NUCB2: variants seen among roughly 807,000 people sequenced by gnomAD.
NUCB2 encodes nucleobindin 2.
Under a neutral mutation model 57.9 loss-of-function variants are expected in NUCB2, and 48 were observed. The ratio of observed to expected loss-of-function variants is 0.83; its 90% CI spans 0.66 to 1.05. The LOEUF (loss-of-function observed/expected upper bound fraction) is 1.05. Among genes scored for constraint, NUCB2 ranks in the 50% least tolerant of loss-of-function variants. NUCB2 has a pLI of 0.00. For missense variants in NUCB2, 442 were observed against 476.2 expected, an observed-to-expected ratio of 0.93 and a Z score of 0.67; for synonymous variants, 139 against 152.1, an observed-to-expected ratio of 0.91 and a Z score of 0.64.
At chr11:17,324,207 G>T (rs1434892869) in intron 11 of NUCB2, among the ~76,000 whole-genome samples, 1 of 151,768 alleles carries the variant, frequency 6.6e-6, no homozygotes, top group Non-Finnish European at 1.5e-5. Context: ...TTCCCTCTTA[G>T]TACTACATTT....
In NUCB2 at chr11:17,301,830, G is replaced by A. The variant is rs1946802207; in HGVS notation, c.339G>A (p.Arg113=). 1.2e-6 allele frequency: 2 copies of A among 1,613,608 alleles called. No individual in the cohort carries two copies. Among genetic ancestry groups the A allele is most frequent in the South Asian group, 1.1e-5 (1 of 91,078 alleles). The part of the protein sequence containing the change: ...LDELKRQEVG[R]LRMLIKAKLD... ...AACTGAAAAGGCAAGAAGTAGGAAGGTTAAGAATGTTAATTAAAGCTAAGT... is the reference window on the plus strand; with the variant it reads ...AACTGAAAAGGCAAGAAGTAGGAAGATTAAGAATGTTAATTAAAGCTAAGT... Residue 113 remains arginine (R), a synonymous_variant, in exon 5 of 14, where the codon AGG becomes AGA. Coordinates refer to ENST00000529010, the MANE Select transcript of NUCB2 (RefSeq NM_005013.4).
chr11:17,284,199 G>C (rs527726299), intron 2 of NUCB2, among the ~76,000 whole-genome samples: 1 of 152,008 alleles, frequency 6.6e-6, no homozygotes, highest in Non-Finnish European at 1.5e-5. Flanking sequence ...TGTATTTTTA[G>C]TAGAGATGGG....
intron 2 of NUCB2, among the ~76,000 whole-genome samples, chr11:17,342,259 A>G (rs1420444759): frequency 6.6e-6 from 1 of 152,180 alleles, no homozygotes; most frequent in Non-Finnish European, 1.5e-5. Flanking sequence ...GATCTTTTCA[A>G]AAAACCAGCT....
At position 17,282,258 on chromosome 11, in the gene NUCB2, ATTTTTTT is replaced by A. The variant is rs71047540; in HGVS notation, c.-155-522_-155-516del. ...TATCTATATATATATATATATATAT[ATTTTTTT>A]TTTTTTTTCCCAAGACAGAGTCTCG... On this transcript the variant is annotated intron_variant, in intron 1 of 13. Coordinates refer to ENST00000529010, the MANE Select transcript of NUCB2 (RefSeq NM_005013.4). Among the ~76,000 whole-genome samples the A allele has an allele frequency of 3.9e-4, 40 of 103,472 alleles. 1 individual carries two copies. Among genetic ancestry groups the A allele is most frequent in the Admixed American group, 1.7e-3 (17 of 9,974 alleles). The allele number at this position is 103,472 out of a possible 152,430, so 67.9% of individuals were successfully genotyped here. A position where few individuals can be genotyped will look rare whatever the true frequency, so the allele number is the denominator to read the frequency against.
intron 2 of NUCB2, among the ~76,000 whole-genome samples, chr11:17,344,131 G>C (rs1184557370): frequency 6.6e-6 from 1 of 152,152 alleles, no homozygotes; most frequent in East Asian, 1.9e-4. Context: ...CTGATTGAGT[G>C]AACCAGCATC....
At position 17,316,554 on chromosome 11, in the gene NUCB2, A is replaced by G. The variant is rs531374423; in HGVS notation, c.1002+1079A>G. ...TTCACACATTTTTGGGCAATCTATA[A>G]TGATTTCCCTGGGATTAACTCCCAG... On this transcript the variant is annotated intron_variant, in intron 11 of 13. Coordinates refer to ENST00000529010, the MANE Select transcript of NUCB2 (RefSeq NM_005013.4). 2.0e-5 allele frequency among the ~76,000 whole-genome samples: 3 copies of G among 152,266 alleles called. No homozygotes were observed. In the East Asian group the frequency reaches 5.8e-4, roughly 29 times the overall value.
At chr11:17,276,953 G>C (rs1421538338) in intron 1 of NUCB2, 125 bp downstream of exon 1, 1 of 152,446 alleles carries the variant, frequency 6.6e-6, no homozygotes, top group East Asian at 1.9e-4. Context: ...TGGGGGCCGT[G>C]CTGTGGGCGG....
intron 11 of NUCB2, among the ~76,000 whole-genome samples, chr11:17,320,757 C>T (rs1949917854): frequency 6.6e-6 from 1 of 152,074 alleles, no homozygotes; most frequent in African/African-American, 2.4e-5. Context: ...TTTTCCTCCC[C>T]GTTCTGTGGG....
intron 11 of NUCB2, among the ~76,000 whole-genome samples, chr11:17,319,562 A>G (rs1949737755): frequency 6.6e-6 from 1 of 152,184 alleles, no homozygotes; most frequent in South Asian, 2.1e-4. Context: ...TATAATATGG[A>G]TGTGTATATG....
intron 5 of NUCB2, among the ~76,000 whole-genome samples, chr11:17,306,844 G>A (rs979865127): frequency 4.6e-5 from 7 of 151,704 alleles, no homozygotes; most frequent in Non-Finnish European, 8.8e-5. Flanking sequence ...CACAGGAGGC[G>A]GAGGTTGCAG....
intron 5 of NUCB2, among the ~76,000 whole-genome samples, chr11:17,305,819 C>T (rs1327961313): frequency 6.6e-6 from 1 of 151,732 alleles, no homozygotes; most frequent in African/African-American, 2.4e-5. Context: ...GAGAAAATCT[C>T]ACTGTGTTCC....
rs2521999 is a variant in NUCB2 at position 17,311,636 on chromosome 11, G to A, written c.761-236G>A. Among the ~76,000 whole-genome samples the A allele has an allele frequency of 0.23, 34,492 of 151,700 alleles. 4,834 individuals carry two copies. Among genetic ancestry groups the A allele is most frequent in the East Asian group, 0.35 (1,790 of 5,166 alleles). Reference sequence around the variant, plus strand: ...GAATATTGCTTTACTTTATATTTTTGGAAAAAAATGGTCAAGATACGCTTT... The same window carrying A: ...GAATATTGCTTTACTTTATATTTTTAGAAAAAAATGGTCAAGATACGCTTT... On this transcript the variant is annotated intron_variant, in intron 8 of 13. Coordinates refer to ENST00000529010, the MANE Select transcript of NUCB2 (RefSeq NM_005013.4).
intron 3 of NUCB2, 22 bp from the exon 4 acceptor site, chr11:17,296,082 C>T (rs745527683): frequency 1.4e-6 from 2 of 1,421,306 alleles, no homozygotes; most frequent in Non-Finnish European, 2.0e-6. Context: ...AGAAGCATTA[C>T]TGTTGGTTTC....
intron 2 of NUCB2, among the ~76,000 whole-genome samples, chr11:17,348,367 C>T (rs1407346633): frequency 1.7e-5 from 2 of 115,442 alleles, no homozygotes; most frequent in Non-Finnish European, 3.3e-5. Context: ...CAGAGTCTCA[C>T]TCTGTCACCC....
chr11:17,324,378 C>T (rs893993989), intron 11 of NUCB2, among the ~76,000 whole-genome samples: 5 of 152,058 alleles, frequency 3.3e-5, no homozygotes, highest in East Asian at 3.9e-4. Flanking sequence ...CTCTTATTAT[C>T]GATTTGTAGT....
chr11:17,290,264 G>C (rs214106), intron 2 of NUCB2, among the ~76,000 whole-genome samples: 80,699 of 152,088 alleles, frequency 0.53, 22,168 homozygotes, highest in East Asian at 0.82. Flanking sequence ...ATAGCTTAAT[G>C]TTTATGAAGA....
At position 17,331,523 on chromosome 11, in the gene NUCB2, A is replaced by C. The variant is rs1173570368; in HGVS notation, c.*104A>C. On this transcript the variant is annotated 3_prime_UTR_variant, in exon 14 of 14. Transcript: ENST00000529010. ...TCTGCTCAATAAATATTTTAAAAGC[A>C]TATTTGAAATAAAGGGAGATACTTT... The C allele has an allele frequency of 2.9e-6, 2 of 685,610 alleles. No individual in the cohort carries two copies. Among genetic ancestry groups the C allele is most frequent in the Non-Finnish European group, 4.5e-6 (2 of 445,750 alleles). 42.5% of individuals were successfully genotyped at this position (685,610 alleles called of 1,614,324 possible).
intron 8 of NUCB2, 79 bp from the exon 9 acceptor site, chr11:17,311,793 C>T: frequency 2.1e-6 from 2 of 969,566 alleles, no homozygotes; most frequent in Non-Finnish European, 1.6e-6. Flanking sequence ...CTTTTGTAAA[C>T]CCTTTATAAA....
intron 4 of NUCB2, among the ~76,000 whole-genome samples, chr11:17,297,898 A>G (rs954693122): frequency 2.0e-5 from 3 of 152,026 alleles, no homozygotes; most frequent in Non-Finnish European, 2.9e-5. Flanking sequence ...CCTGGCCAAG[A>G]TGGTGAAACC....
Sources: gnomAD v4.1 joint callset for allele counts (sites outside exome capture counted in the v4.1 genomes callset) on GRCh38, gnomAD v4.1.1 for gene constraint, MANE v1.5 for transcripts, NCBI Gene and HGNC (gene_info 2026-07-23, HGNC 2026-07-21) for gene names.